The following ARNT2 variants were observed in gnomAD, a reference collection of about 807,000 sequenced individuals.
The protein encoded by ARNT2 is aryl hydrocarbon receptor nuclear translocator 2.
A neutral mutation model predicts 91.7 loss-of-function variants in ARNT2; 36 were observed. That is an observed-to-expected ratio of 0.39 (90% CI 0.30 to 0.52). The LOEUF is 0.52. ARNT2 is among the 20% of genes least tolerant of loss of function. ARNT2 has a pLI of 0.72. For synonymous variants in ARNT2, 365 were observed against 347.1 expected, an observed-to-expected ratio of 1.05 and a Z score of -0.57; for missense variants, 775 against 939.3, an observed-to-expected ratio of 0.83 and a Z score of 2.29.
chr15:80,592,958 C>G (rs369990841), intron 18 of ARNT2, among the ~76,000 whole-genome samples: 1 of 152,222 alleles, frequency 6.6e-6, no homozygotes, highest in East Asian at 1.9e-4. Context: ...CAAAGTGTGC[C>G]TTGTTTCCCA....
At chr15:80,455,116 A>G (rs896978174) in intron 2 of ARNT2, among the ~76,000 whole-genome samples, 5 of 152,196 alleles carry the variant, frequency 3.3e-5, no homozygotes, top group African/African-American at 7.2e-5. Context: ...TGGTAGTCCT[A>G]TGTAAAGTAG....
At chr15:80,518,284 T>TA (rs1446177065) in intron 8 of ARNT2, among the ~76,000 whole-genome samples, 30 of 137,276 alleles carry the variant, frequency 2.2e-4, no homozygotes, top group African/African-American at 6.5e-4. Context: ...ATTCTTTTTT[T>TA]TTTTTTTTTT....
chr15:80,574,190 A>C lies in ARNT2; in HGVS notation c.1359A>C (p.Arg453Ser). Residue 453 changes from arginine (R) to serine (S), a missense_variant, in exon 13 of 19, where the codon AGA (arginine) becomes AGC (serine). By Grantham distance (110) the Arg-to-Ser change is moderately radical. Transcript: ENST00000303329. The part of the protein sequence containing the change: ...QQQAELEVHQ[R>S]DGLSSYDLSQ... Reference sequence around the variant, plus strand: ...AGGCAGAATTGGAAGTGCACCAGAGAGATGGATTGTCATCGTATGACTTAT... The same window carrying C: ...AGGCAGAATTGGAAGTGCACCAGAGCGATGGATTGTCATCGTATGACTTAT... 1 of 1,614,210 alleles carries C rather than the reference A, an allele frequency of 6.2e-7. No individual in the cohort carries two copies. The highest frequency in any genetic ancestry group is 8.5e-7 in the Non-Finnish European group (1 of 1,180,036).
chr15:80,457,210 T>C (rs1357648923), intron 2 of ARNT2, among the ~76,000 whole-genome samples: 1 of 152,234 alleles, frequency 6.6e-6, no homozygotes, highest in East Asian at 1.9e-4. Flanking sequence ...TTTTGTCTTA[T>C]GTTTACACTG....
intron 8 of ARNT2, among the ~76,000 whole-genome samples, chr15:80,530,621 A>G (rs1438476339): frequency 6.6e-6 from 1 of 151,960 alleles, no homozygotes. Flanking sequence ...CCTATCTCAG[A>G]CTTGAGTCAT....
intron 8 of ARNT2, among the ~76,000 whole-genome samples, chr15:80,549,327 C>T (rs1898043212): frequency 6.6e-6 from 1 of 152,160 alleles, no homozygotes; most frequent in Admixed American, 6.5e-5. Context: ...AAATAGCTTT[C>T]TAACTATGAC....
At chr15:80,556,515 TGAG>T (rs1193627819) in intron 11 of ARNT2, 1 of 152,492 alleles carries the variant, frequency 6.6e-6, no homozygotes, top group African/African-American at 2.4e-5. Flanking sequence ...GGGGGCAACT[TGAG>T]GAGACAGTTG....
rs141526476 is a variant in ARNT2 at position 80,437,155 on chromosome 15, G to A, written c.32-13725G>A. Among the ~76,000 whole-genome samples the A allele has an allele frequency of 1.8e-4, 27 of 152,136 alleles. No homozygotes were observed. The East Asian group carries it at 5.2e-3, about 29-fold the overall frequency. ...GGAATAACCTCAGTCTACCCTTTGT[G>A]GAGAGAAGTGGGCCTTCACTCCTCA... On this transcript the variant is annotated intron_variant, in intron 1 of 18. Coordinates refer to ENST00000303329, the MANE Select transcript of ARNT2 (RefSeq NM_014862.4).
At chr15:80,428,431 G>A (rs1567177017) in intron 1 of ARNT2, among the ~76,000 whole-genome samples, 1 of 152,232 alleles carries the variant, frequency 6.6e-6, no homozygotes, top group Non-Finnish European at 1.5e-5. Context: ...TGTGGTCTCA[G>A]CTCTTCTGCC....
chr15:80,455,833 C>T (rs963449891), intron 2 of ARNT2, among the ~76,000 whole-genome samples: 3 of 152,184 alleles, frequency 2.0e-5, no homozygotes, highest in African/African-American at 7.2e-5. Flanking sequence ...ATGTCTCACA[C>T]CCACTTGTGG....
intron 8 of ARNT2, among the ~76,000 whole-genome samples, chr15:80,526,949 G>T (rs1395118038): frequency 6.6e-6 from 1 of 152,176 alleles, no homozygotes; most frequent in Non-Finnish European, 1.5e-5. Flanking sequence ...CAAGGCATTG[G>T]CTGGACCCCT....
At chr15:80,451,824 G>T (rs956470608) in intron 2 of ARNT2, among the ~76,000 whole-genome samples, 1 of 152,232 alleles carries the variant, frequency 6.6e-6, no homozygotes, top group African/African-American at 2.4e-5. Flanking sequence ...TCAGACTCAA[G>T]ATATCACCTA....
rs1173129929 is a variant in ARNT2 at position 80,591,902 on chromosome 15, G to T, written c.2055+198G>T. On this transcript the variant is annotated intron_variant, in intron 18 of 18. Transcript: ENST00000303329. This position sits in a 1 kb window ranked among gnomAD's most constrained non-coding sequence, Gnocchi z 5.1. ...TCAGGTGCATGTGGGAAGGAGAAGG[G>T]GCTGATGTAGCCTTCGAGCTAAGCC... Among the ~76,000 whole-genome samples, 3 of 152,150 alleles carry T rather than the reference G, an allele frequency of 2.0e-5. No individual in the cohort carries two copies. Among genetic ancestry groups the T allele is most frequent in the Non-Finnish European group, 2.9e-5 (2 of 68,014 alleles).
At chr15:80,413,693 G>A (rs1895723373) in intron 1 of ARNT2, among the ~76,000 whole-genome samples, 1 of 152,328 alleles carries the variant, frequency 6.6e-6, no homozygotes, top group Non-Finnish European at 1.5e-5. Context: ...GAAGATTCAG[G>A]GGTGCAATGT....
chr15:80,484,268 A>G (rs536084519), intron 5 of ARNT2, among the ~76,000 whole-genome samples: 1 of 152,090 alleles, frequency 6.6e-6, no homozygotes, highest in Non-Finnish European at 1.5e-5. Flanking sequence ...GAAATAAAGC[A>G]TTTTTATGGC....
chr15:80,548,425 A>G (rs968818405), intron 8 of ARNT2, among the ~76,000 whole-genome samples: 5 of 152,184 alleles, frequency 3.3e-5, no homozygotes, highest in African/African-American at 9.6e-5. Context: ...TATAATAGAC[A>G]TATTATCCCA....
chr15:80,515,293 A>G (rs544421237), intron 8 of ARNT2, among the ~76,000 whole-genome samples: 16 of 152,368 alleles, frequency 1.1e-4, no homozygotes, highest in African/African-American at 3.6e-4. Context: ...AAATGTTCAT[A>G]GCAACATCAT....
At chr15:80,464,231 G>A (rs1263763689) in intron 3 of ARNT2, among the ~76,000 whole-genome samples, 1 of 152,050 alleles carries the variant, frequency 6.6e-6, no homozygotes, top group African/African-American at 2.4e-5. Context: ...GTGACTGGCA[G>A]GCCTGTTCCC....
intron 2 of ARNT2, among the ~76,000 whole-genome samples, chr15:80,457,221 A>G (rs1372457450): frequency 6.6e-6 from 1 of 152,234 alleles, no homozygotes; most frequent in Non-Finnish European, 1.5e-5. Flanking sequence ...GTTTACACTG[A>G]GAGGCCCAGT....
Sources: gnomAD v4.1 joint callset for allele counts (sites outside exome capture counted in the v4.1 genomes callset) on GRCh38, gnomAD v4.1.1 for gene constraint, Gnocchi (gnomAD v3.1) non-coding constraint, MANE v1.5 for transcripts, NCBI Gene and HGNC (gene_info 2026-07-23, HGNC 2026-07-21) for gene names.